Variants in CBLB observed in about 807,000 individuals in gnomAD.
The protein encoded by CBLB is Cbl proto-oncogene B, also known as E3 ubiquitin-protein ligase CBL-B.
In CBLB, 31 loss-of-function variants were observed where a neutral mutation model predicts 104.9. The observed-to-expected ratio is 0.30, with a 90% CI of 0.22 to 0.40. The LOEUF (loss-of-function observed/expected upper bound fraction) is 0.40, where lower values mean the gene tolerates loss of function less well. CBLB is among the 10% of genes least tolerant of loss of function. The pLI is 1.00. For synonymous variants in CBLB, 440 were observed against 422.6 expected, an observed-to-expected ratio of 1.04 and a Z score of -0.51; for missense variants, 1,062 against 1,214.6, an observed-to-expected ratio of 0.87 and a Z score of 1.87.
In CBLB at chr3:105,751,540, A is replaced by G; in HGVS notation, c.645T>C (p.Ala215=). Residue 215 remains alanine, a synonymous_variant, in exon 5 of 19, where the codon GCT becomes GCC. Coordinates refer to ENST00000394030, the MANE Select transcript of CBLB (RefSeq NM_170662.5). Reference sequence around the variant, plus strand: ...AAGTTAAATCAATTGTTGATTTTAGAGCCATTGCTTCCAGGCCAGAGCTAA... The same window carrying G: ...AAGTTAAATCAATTGTTGATTTTAGGGCCATTGCTTCCAGGCCAGAGCTAA... ...HQISSGLEAM[A]LKSTIDLTCN... 1 of 1,609,170 alleles carries G rather than the reference A, an allele frequency of 6.2e-7. No individual in the cohort carries two copies.
chr3:105,776,692 C>A, intron 3 of CBLB, 150 bp from the exon 4 acceptor site: 5 of 659,756 alleles, frequency 7.6e-6, no homozygotes, highest in South Asian at 2.1e-5. Context: ...CTTAATGCTG[C>A]CCTTAAAAAA....
intron 4 of CBLB, among the ~76,000 whole-genome samples, chr3:105,761,811 G>A (rs532904475): frequency 3.9e-5 from 6 of 152,348 alleles, no homozygotes; most frequent in African/African-American, 1.2e-4. Flanking sequence ...GGTTGGAACA[G>A]TTTGGAGGGC....
At chr3:105,669,946 C>G (rs1255621048) in intron 18 of CBLB, among the ~76,000 whole-genome samples, 2 of 152,090 alleles carry the variant, frequency 1.3e-5, no homozygotes, top group African/African-American at 2.4e-5. Context: ...TTTCCTAAAT[C>G]TGAGACAAAA....
chr3:105,857,467 AAGGGATCTT>A (rs2091726161), intron 2 of CBLB, among the ~76,000 whole-genome samples: 2 of 152,186 alleles, frequency 1.3e-5, no homozygotes, highest in South Asian at 4.1e-4. Context: ...TTCTTGCTCT[AAGGGATCTT>A]AGTAAAGATT....
rs566551959 is a variant in CBLB at position 105,707,259 on chromosome 3, T to C, written c.1408-3086A>G. On this transcript the variant is annotated intron_variant, in intron 10 of 18. Coordinates refer to ENST00000394030, the MANE Select transcript of CBLB (RefSeq NM_170662.5). ...AGCATATCTTGCTTAGCGCAATTCATACTGTGTTCTGAAGGTGATTATGTA... is the reference window on the plus strand; with the variant it reads ...AGCATATCTTGCTTAGCGCAATTCACACTGTGTTCTGAAGGTGATTATGTA... Among the ~76,000 whole-genome samples, 12 of 152,330 alleles carry C rather than the reference T, an allele frequency of 7.9e-5. No individual in the cohort carries two copies. The South Asian group carries it at 2.5e-3, about 32-fold the overall frequency.
chr3:105,752,876 G>GGCT lies in CBLB; in HGVS notation c.567-1261_567-1259dup, dbSNP rs145271457. Among the ~76,000 whole-genome samples, 19 of 152,198 alleles carry GGCT rather than the reference G, an allele frequency of 1.2e-4. No individual in the cohort carries two copies. In the South Asian group the frequency reaches 2.1e-3, roughly 17 times the overall value. On this transcript the variant is annotated intron_variant, in intron 4 of 18. Coordinates refer to ENST00000394030, the MANE Select transcript of CBLB (RefSeq NM_170662.5). The stretch of plus-strand genomic sequence containing the variant: ...CTGACAGCCATAAAATGTTCCCTGA[G>GGCT]GCTGCTGCTGCTGCTGCTGCTCTAG...
chr3:105,679,140 T>C (rs2065996370), intron 16 of CBLB, among the ~76,000 whole-genome samples: 1 of 152,072 alleles, frequency 6.6e-6, no homozygotes, highest in African/African-American at 2.4e-5. Flanking sequence ...GCAGAGAATA[T>C]GATATTTTTC....
chr3:105,718,006 T>C (rs1196148747), intron 10 of CBLB, among the ~76,000 whole-genome samples: 1 of 152,150 alleles, frequency 6.6e-6, no homozygotes, highest in Non-Finnish European at 1.5e-5. Flanking sequence ...AGAAAGAGGT[T>C]ATATAACTTG....
intron 9 of CBLB, among the ~76,000 whole-genome samples, chr3:105,723,799 T>C (rs775079391): frequency 5.9e-5 from 9 of 152,072 alleles, no homozygotes; most frequent in Non-Finnish European, 1.0e-4. Context: ...CAAGATAGCA[T>C]TATATATAGT....
At chr3:105,754,808 A>T (rs2076932692) in intron 4 of CBLB, among the ~76,000 whole-genome samples, 1 of 152,202 alleles carries the variant, frequency 6.6e-6, no homozygotes, top group Non-Finnish European at 1.5e-5. Context: ...ACTGCCATTT[A>T]TTGATGGCTT....
chr3:105,750,500 C>G (rs962992277), intron 5 of CBLB, among the ~76,000 whole-genome samples: 2 of 152,080 alleles, frequency 1.3e-5, no homozygotes, highest in African/African-American at 4.8e-5. Context: ...TAAGTAAGCC[C>G]AGTCTGATCA....
intron 3 of CBLB, among the ~76,000 whole-genome samples, chr3:105,827,845 TTAA>T (rs1258557640): frequency 4.6e-5 from 7 of 152,156 alleles, no homozygotes; most frequent in African/African-American, 1.7e-4. Flanking sequence ...CAAGATATAG[TTAA>T]TAATGTTTTA....
Position 105,745,920 on chromosome 3 carries a change from C to G in CBLB, c.842G>C (p.Gly281Ala). Reference sequence around the variant, plus strand: ...TATTACTGCTAAAAAGTCTTACCTTCCGGGTTTGGTGCTATATTTCTGTAG... The same window carrying G: ...TATTACTGCTAAAAAGTCTTACCTTGCGGGTTTGGTGCTATATTTCTGTAG... ...ARLQKYSTKPGSYIFRLSCTR... is the reference protein window; with the variant it reads ...ARLQKYSTKPASYIFRLSCTR... Residue 281 changes from glycine to alanine, a missense_variant, in exon 6 of 19, where the codon GGA (glycine) becomes GCA (alanine). Around this residue, in one of 2 missense-constraint regions of CBLB, gnomAD observed 457 missense variants for 632.0 expected, o/e 0.72. Coordinates refer to ENST00000394030, the MANE Select transcript of CBLB (RefSeq NM_170662.5). The G allele has an allele frequency of 1.2e-6, 2 of 1,611,806 alleles. No individual in the cohort carries two copies. Among genetic ancestry groups the G allele is most frequent in the South Asian group, 1.1e-5 (1 of 91,006 alleles).
At chr3:105,701,237 G>GA (rs1014290032) in intron 12 of CBLB, among the ~76,000 whole-genome samples, 5 of 152,286 alleles carry the variant, frequency 3.3e-5, no homozygotes, top group African/African-American at 1.2e-4. Flanking sequence ...CTTCAAGTGA[G>GA]AAGTCAACAA....
chr3:105,756,915 C>A (rs1294317544), intron 4 of CBLB, among the ~76,000 whole-genome samples: 1 of 152,134 alleles, frequency 6.6e-6, no homozygotes, highest in Non-Finnish European at 1.5e-5. Context: ...TGGTTTAGCA[C>A]CATCTCCTTG....
chr3:105,863,236 T>C (rs1433961033), intron 2 of CBLB, among the ~76,000 whole-genome samples: 3 of 152,158 alleles, frequency 2.0e-5, no homozygotes, highest in Non-Finnish European at 4.4e-5. Flanking sequence ...ATCAATAGCT[T>C]TTCTAAGAAG....
chr3:105,775,051 CTT>C (rs1269621873), intron 4 of CBLB, among the ~76,000 whole-genome samples: 1 of 152,102 alleles, frequency 6.6e-6, no homozygotes, highest in African/African-American at 2.4e-5. Context: ...TTAGTATAGT[CTT>C]AGCTGTCTGT....
At chr3:105,785,156 T>C (rs2080825078) in intron 3 of CBLB, among the ~76,000 whole-genome samples, 1 of 152,218 alleles carries the variant, frequency 6.6e-6, no homozygotes, top group African/African-American at 2.4e-5. Flanking sequence ...GTCTTACACC[T>C]GTAACAACTT....
At chr3:105,664,218 T>C (rs1183350805) in intron 18 of CBLB, among the ~76,000 whole-genome samples, 1 of 152,188 alleles carries the variant, frequency 6.6e-6, no homozygotes, top group East Asian at 1.9e-4. Context: ...TGAGCTTCTG[T>C]ATATCTAGGT....
Sources: gnomAD v4.1 joint callset for allele counts (sites outside exome capture counted in the v4.1 genomes callset) on GRCh38, gnomAD v4.1.1 for gene constraint, gnomAD v4.1.1 regional missense constraint, MANE v1.5 for transcripts, NCBI Gene and HGNC (gene_info 2026-07-23, HGNC 2026-07-21) for gene names.